The following RPN2 variants were observed in gnomAD, a reference collection of about 807,000 sequenced individuals.
RPN2 encodes the protein ribophorin II.
RPN2 carries 29 observed loss-of-function variants against 71.4 expected under a neutral mutation model. The observed-to-expected ratio is 0.41, with a 90% confidence interval of 0.30 to 0.55. The LOEUF (loss-of-function observed/expected upper bound fraction) is 0.55, where lower values mean the gene tolerates loss of function less well. RPN2 is among the 20% of genes least tolerant of loss of function. The pLI, the probability that RPN2 is intolerant of heterozygous loss-of-function variation, is 0.35. For synonymous variants in RPN2, 308 were observed against 305.0 expected (o/e 1.01, Z -0.10); for missense variants, 726 against 774.1 (o/e 0.94, Z 0.74).
intron 2 of RPN2, among the ~76,000 whole-genome samples, chr20:37,196,717 T>C (rs2067264820): frequency 6.6e-6 from 1 of 152,202 alleles, no homozygotes; most frequent in Admixed American, 6.6e-5. Context: ...CCACATCTTT[T>C]TGAATAGCTG....
At chr20:37,218,007 G>A (rs1477104470) in intron 9 of RPN2, among the ~76,000 whole-genome samples, 1 of 152,136 alleles carries the variant, frequency 6.6e-6, no homozygotes, top group Non-Finnish European at 1.5e-5. Flanking sequence ...CAAAGTGCTG[G>A]GATTACAGAT....
intron 10 of RPN2, among the ~76,000 whole-genome samples, chr20:37,224,652 A>G (rs573198483): frequency 2.6e-5 from 4 of 152,206 alleles, no homozygotes; most frequent in Non-Finnish European, 5.9e-5. Flanking sequence ...TGCTGTAAGA[A>G]GCCTGCTCAT....
intron 2 of RPN2, among the ~76,000 whole-genome samples, chr20:37,186,773 A>G (rs745920158): frequency 6.6e-6 from 1 of 152,234 alleles, no homozygotes; most frequent in Admixed American, 6.5e-5. Context: ...TTCACCGATA[A>G]TAGTTCCCAT....
At chr20:37,232,543 A>G in intron 14 of RPN2, 152 bp downstream of exon 14, 1 of 1,004,004 alleles carries the variant, frequency 1.0e-6, no homozygotes. Flanking sequence ...ACATTTTAGA[A>G]TGACCAAAAG....
chr20:37,189,673 A>T (rs1215376491), intron 2 of RPN2, among the ~76,000 whole-genome samples: 1 of 152,216 alleles, frequency 6.6e-6, no homozygotes, highest in Non-Finnish European at 1.5e-5. Context: ...CAAAAGTAAG[A>T]GTATACCCAT....
intron 10 of RPN2, among the ~76,000 whole-genome samples, chr20:37,224,761 A>G (rs1374868014): frequency 3.3e-5 from 5 of 152,206 alleles, no homozygotes; most frequent in African/African-American, 9.6e-5. Flanking sequence ...TATAGAGGCC[A>G]GAAGACAGTA....
chr20:37,194,502 T>C (rs2146545334), intron 2 of RPN2, among the ~76,000 whole-genome samples: 1 of 152,318 alleles, frequency 6.6e-6, no homozygotes, highest in Middle Eastern at 3.4e-3. Context: ...CCTCAGGTGA[T>C]CCACCCGCCT....
chr20:37,191,790 A>G (rs1171473393), intron 2 of RPN2, among the ~76,000 whole-genome samples: 1 of 152,088 alleles, frequency 6.6e-6, no homozygotes, highest in Non-Finnish European at 1.5e-5. Flanking sequence ...TTTTTACAAG[A>G]TTAAGAACAT....
intron 12 of RPN2, among the ~76,000 whole-genome samples, chr20:37,229,162 G>A (rs535069142): frequency 6.6e-6 from 1 of 152,360 alleles, no homozygotes; most frequent in East Asian, 1.9e-4. Context: ...ATGTAGAAAA[G>A]TGAATTGTAC....
At position 37,179,384 on chromosome 20, in the gene RPN2, G is replaced by A. The variant is rs755846009; in HGVS notation, c.13+15G>A. ...GGCGCCGCCGGGTGAGGAGTTGCGC[G>A]TGGCTTTGGGGAGAGGGCTGTCGCC... On this transcript the variant is annotated intron_variant, in intron 1 of 16. Transcript: ENST00000237530. The A allele has an allele frequency of 3.4e-6, 1 of 293,404 alleles. No individual in the cohort carries two copies. Among genetic ancestry groups the A allele is most frequent in the Non-Finnish European group, 4.4e-6 (1 of 228,452 alleles). The allele number at this position is 293,404 out of a possible 1,614,324, so 18.2% of individuals were successfully genotyped here. A position where few individuals can be genotyped will look rare whatever the true frequency, so the allele number is the denominator to read the frequency against.
intron 9 of RPN2, among the ~76,000 whole-genome samples, chr20:37,217,722 C>CTTTTTT (rs199661722): frequency 6.8e-6 from 1 of 147,002 alleles, no homozygotes; most frequent in Non-Finnish European, 1.5e-5. Context: ...CCAGACTTAG[C>CTTTTTT]TTTTTTTTTT....
intron 3 of RPN2, 101 bp from the exon 4 acceptor site, chr20:37,198,949 G>A (rs1358627507): frequency 2.0e-5 from 19 of 939,590 alleles, no homozygotes; most frequent in East Asian, 1.7e-4. Flanking sequence ...TGTGCGAGGC[G>A]GAGGTGACTT....
intron 16 of RPN2, among the ~76,000 whole-genome samples, chr20:37,239,281 C>T (rs1474773399): frequency 3.3e-5 from 5 of 152,166 alleles, no homozygotes; most frequent in Non-Finnish European, 5.9e-5. Flanking sequence ...GGCTGTGTTC[C>T]AACAAAACTT....
chr20:37,181,319 A>G (rs890195213), intron 1 of RPN2, among the ~76,000 whole-genome samples: 20 of 150,988 alleles, frequency 1.3e-4, no homozygotes, highest in Admixed American at 1.2e-3. Flanking sequence ...TACCTCATCT[A>G]CTTCTTACCC....
intron 2 of RPN2, among the ~76,000 whole-genome samples, chr20:37,197,989 G>A (rs2067290959): frequency 6.6e-6 from 1 of 152,176 alleles, no homozygotes. Context: ...CTGCCACTTG[G>A]TAGCTTTGTC....
intron 7 of RPN2, among the ~76,000 whole-genome samples, chr20:37,209,737 C>T (rs1270797102): frequency 6.6e-6 from 1 of 152,072 alleles, no homozygotes; most frequent in African/African-American, 2.4e-5. Context: ...CCTGACTCAG[C>T]CTCCCAAAGC....
At chr20:37,220,497 CAG>C (rs1223919754) in intron 9 of RPN2, among the ~76,000 whole-genome samples, 1 of 152,122 alleles carries the variant, frequency 6.6e-6, no homozygotes, top group East Asian at 1.9e-4. Flanking sequence ...ATAAGCTAAA[CAG>C]GGGTGTTATT....
chr20:37,192,204 A>T (rs745588431), intron 2 of RPN2, among the ~76,000 whole-genome samples: 1 of 152,210 alleles, frequency 6.6e-6, no homozygotes, highest in African/African-American at 2.4e-5. Flanking sequence ...CTGGCACATG[A>T]TGAGTGCATA....
Position 37,234,020 on chromosome 20 carries a change from T to G in RPN2, c.1678T>G (p.Trp560Gly). The change falls in exon 15 of 17, where the codon TGG becomes GGG. Residue 560 changes from tryptophan to glycine, a missense_variant and splice_region_variant. Physicochemically the swap from Trp to Gly is radical, Grantham distance 184. Coordinates refer to ENST00000237530, the MANE Select transcript of RPN2 (RefSeq NM_002951.5). ...TAATTTATTTCTCCCCATCATTCAG[T>G]GGATCCGGATTGGTGCCAATGTCTC... The part of the protein sequence containing the change: ...LSPLLLLFAL[W>G]IRIGANVSNF... The G allele has an allele frequency of 6.2e-7, 1 of 1,614,216 alleles. No homozygotes were observed. The highest frequency in any genetic ancestry group is 1.3e-5 in the African/African-American group (1 of 75,066).
Sources: gnomAD v4.1 joint callset for allele counts (sites outside exome capture counted in the v4.1 genomes callset) on GRCh38, gnomAD v4.1.1 for gene constraint, MANE v1.5 for transcripts, NCBI Gene and HGNC (gene_info 2026-07-23, HGNC 2026-07-21) for gene names.